Variants in SLC26A3 observed in about 807,000 individuals in gnomAD.
SLC26A3 encodes chloride anion exchanger.
A neutral mutation model predicts 85.6 loss-of-function variants in SLC26A3; 64 were observed. That is an observed-to-expected ratio of 0.75 (90% CI 0.61 to 0.92). The LOEUF (loss-of-function observed/expected upper bound fraction) is 0.92, where lower values mean the gene tolerates loss of function less well. Among genes scored for constraint, SLC26A3 ranks in the 40% least tolerant of loss-of-function variants. The probability of loss-of-function intolerance (pLI) is 0.00; values close to 1 mark genes in which losing one functional copy is unlikely to be tolerated. For synonymous variants in SLC26A3, 349 were observed against 336.0 expected, an observed-to-expected ratio of 1.04 and a Z score of -0.42; for missense variants, 922 against 927.3, an observed-to-expected ratio of 0.99 and a Z score of 0.07.
chr7:107,802,742 CT>C (rs35087147), intron 1 of SLC26A3, among the ~76,000 whole-genome samples: 27,935 of 110,550 alleles, frequency 0.25, 2,029 homozygotes, highest in Admixed American at 0.32. Context: ...TTAAAGCTTG[CT>C]TTTTTTTTTT....
At chr7:107,780,595 C>T (rs553261032) in intron 11 of SLC26A3, among the ~76,000 whole-genome samples, 1 of 152,232 alleles carries the variant, frequency 6.6e-6, no homozygotes, top group South Asian at 2.1e-4. Context: ...ACTGCTATAC[C>T]ATGAAAACAC....
At chr7:107,779,638 T>G in intron 12 of SLC26A3, 30 bp downstream of exon 12, 1 of 1,514,004 alleles carries the variant, frequency 6.6e-7, no homozygotes, top group Non-Finnish European at 9.2e-7. Flanking sequence ...GTGATTTATC[T>G]CTCTTTCAAA....
chr7:107,779,691 A>C lies in SLC26A3; in HGVS notation c.1384T>G (p.Trp462Gly). Residue 462 changes from tryptophan (W) to glycine (G), a missense_variant, in exon 12 of 21, where the codon TGG (tryptophan) becomes GGG (glycine). Coordinates refer to ENST00000340010, the MANE Select transcript of SLC26A3 (RefSeq NM_000111.3). ...LMQFAEIGRL[W>G]RKDKYDCLIW... ...ACACAATCATATTTGTCCTTTCGCC[A>C]CAATCTGCCTATTTCAGCAAACTGC... 1 of 1,613,934 alleles carries C rather than the reference A, an allele frequency of 6.2e-7. No individual in the cohort carries two copies.
chr7:107,780,921 A>G (rs765226240), intron 11 of SLC26A3, among the ~76,000 whole-genome samples: 4 of 152,224 alleles, frequency 2.6e-5, no homozygotes, highest in Non-Finnish European at 4.4e-5. Flanking sequence ...CCATTGTGGT[A>G]GCTAGGCAAA....
chr7:107,799,802 TAGC>T (rs1444405516), intron 1 of SLC26A3, among the ~76,000 whole-genome samples: 1 of 152,202 alleles, frequency 6.6e-6, no homozygotes, highest in Non-Finnish European at 1.5e-5. Flanking sequence ...AGTTCATAGG[TAGC>T]AGTCTCAGAA....
chr7:107,781,627 A>G (rs1195229876), intron 11 of SLC26A3, among the ~76,000 whole-genome samples: 4 of 152,088 alleles, frequency 2.6e-5, no homozygotes, highest in Admixed American at 2.6e-4. Flanking sequence ...CTTTTATGCC[A>G]CTTATTTTGA....
At chr7:107,774,754 A>T in intron 16 of SLC26A3, 23 bp downstream of exon 16, 2 of 1,560,376 alleles carry the variant, frequency 1.3e-6, no homozygotes, top group Non-Finnish European at 1.8e-6. Context: ...TATAATGCAT[A>T]GAAATGTGGT....
Position 107,767,753 on chromosome 7 carries a change from A to G in SLC26A3, c.2205+13T>C, listed in dbSNP as rs1793938322. 1.9e-6 allele frequency: 3 copies of G among 1,613,878 alleles called. No individual in the cohort carries two copies. The South Asian group carries it at 3.3e-5, about 18-fold the overall frequency. On this transcript the variant is annotated intron_variant, in intron 19 of 20. Transcript: ENST00000340010. The stretch of plus-strand genomic sequence containing the variant: ...TGCTTATGCAATTGTGAAAGTCACC[A>G]AAGAGCTGATACCTGACTGGGATTA...
At chr7:107,765,956 T>G in intron 20 of SLC26A3, 78 bp from the exon 21 acceptor site, 1 of 1,255,624 alleles carries the variant, frequency 8.0e-7, no homozygotes. Context: ...GGAGCTAGAA[T>G]TTACCAGAGT....
At chr7:107,766,784 C>T (rs929624643) in intron 20 of SLC26A3, among the ~76,000 whole-genome samples, 1 of 152,070 alleles carries the variant, frequency 6.6e-6, no homozygotes, top group Admixed American at 6.6e-5. Flanking sequence ...GAACAGAAGA[C>T]AGGTCTTGTC....
intron 16 of SLC26A3, 95 bp from the exon 17 acceptor site, chr7:107,774,248 G>C: frequency 1.0e-6 from 1 of 1,002,066 alleles, no homozygotes. Context: ...CTGATTCTGA[G>C]TTGAGCCAAA....
At chr7:107,790,180 G>A (rs1794368906) in intron 5 of SLC26A3, among the ~76,000 whole-genome samples, 1 of 152,174 alleles carries the variant, frequency 6.6e-6, no homozygotes, top group Non-Finnish European at 1.5e-5. Context: ...AGAAGTGCTT[G>A]GTTCTAGCTG....
chr7:107,778,118 T>A, intron 13 of SLC26A3, 57 bp downstream of exon 13: 1 of 1,170,140 alleles, frequency 8.5e-7, no homozygotes, highest in Non-Finnish European at 1.3e-6. Flanking sequence ...TTTTTTTTCC[T>A]CTTCTGATTT....
intron 1 of SLC26A3, among the ~76,000 whole-genome samples, chr7:107,798,913 A>G (rs1794556196): frequency 6.6e-6 from 1 of 152,184 alleles, no homozygotes; most frequent in Admixed American, 6.5e-5. Context: ...CCTGATAACT[A>G]TACTTGGGGG....
chr7:107,787,379 G>A lies in SLC26A3; in HGVS notation c.866C>T (p.Pro289Leu). 10 of 1,614,080 alleles carry A rather than the reference G, an allele frequency of 6.2e-6. No homozygotes were observed. Among genetic ancestry groups the A allele is most frequent in the Non-Finnish European group, 8.5e-6 (10 of 1,179,982 alleles). ...NQRFKDKLPVPIPIEFIMTVI... is the reference protein window; with the variant it reads ...NQRFKDKLPVLIPIEFIMTVI... The stretch of plus-strand genomic sequence containing the variant: ...TACCATAATGAATTCGATTGGAATG[G>A]GCACTGGAAGTTTGTCTTTGAAGCG... The change falls in exon 7 of 21, where the codon CCC becomes CTC. Residue 289 changes from proline to leucine, a missense_variant. By Grantham distance (98) the Pro-to-Leu change is moderately conservative. Transcript: ENST00000340010.
intron 6 of SLC26A3, among the ~76,000 whole-genome samples, chr7:107,788,481 A>G (rs1474457092): frequency 6.6e-6 from 1 of 152,226 alleles, no homozygotes; most frequent in East Asian, 1.9e-4. Context: ...CTTCAATTCT[A>G]AAAGAATGAG....
At chr7:107,768,938 C>CA (rs1268511984) in intron 18 of SLC26A3, among the ~76,000 whole-genome samples, 1 of 151,922 alleles carries the variant, frequency 6.6e-6, no homozygotes, top group East Asian at 1.9e-4. Flanking sequence ...GAGTGGGTGG[C>CA]ATGCAATGGG....
Position 107,767,803 on chromosome 7 carries a change from T to A in SLC26A3, c.2168A>T (p.Lys723Met). 5.6e-6 allele frequency: 9 copies of A among 1,613,910 alleles called. No individual in the cohort carries two copies. The highest frequency in any genetic ancestry group is 7.6e-6 in the Non-Finnish European group (9 of 1,179,864). Residue 723 changes from lysine (K) to methionine (M), a missense_variant, in exon 19 of 21, where the codon AAG becomes ATG. Lys to Met is a moderately conservative substitution (Grantham distance 95). Transcript: ENST00000340010. ...IHDAVLHILM[K>M]KDYSTSKFNP... ...AAACTTTGAAGTACTGTAATCTTTC[T>A]TCATCAAAATATGCAAAACAGCATC...
rs1370036235 is a variant in SLC26A3, at chr7:107,789,511, A to G, written c.735+13T>C. The G allele has an allele frequency of 6.2e-7, 1 of 1,612,438 alleles. No homozygotes were observed. Among genetic ancestry groups the G allele is most frequent in the East Asian group, 2.2e-5 (1 of 44,882 alleles). On this transcript the variant is annotated intron_variant, in intron 6 of 20. Coordinates refer to ENST00000340010, the MANE Select transcript of SLC26A3 (RefSeq NM_000111.3). ...ATGTATTTCAGTATTTTTTAGGTGA[A>G]AGAAATACTTACTTTGAAAATTGAA...
Sources: gnomAD v4.1 joint callset for allele counts (sites outside exome capture counted in the v4.1 genomes callset) on GRCh38, gnomAD v4.1.1 for gene constraint, MANE v1.5 for transcripts, NCBI Gene and HGNC (gene_info 2026-07-23, HGNC 2026-07-21) for gene names.